CCDC178: variants seen among roughly 807,000 people sequenced by gnomAD.
CCDC178 encodes coiled-coil domain-containing protein 178.
CCDC178 carries 126 observed loss-of-function variants against 117.4 expected under a neutral mutation model. The observed-to-expected ratio is 1.07, with a 90% CI of 0.93 to 1.24. CCDC178 has a LOEUF of 1.24. Among genes scored for constraint, CCDC178 ranks in the 50% most tolerant of loss-of-function variants. The pLI is 0.00. For missense variants in CCDC178, 1,030 were observed against 986.9 expected (o/e 1.04, Z -0.59); for synonymous variants, 283 against 313.4 (o/e 0.90, Z 1.02).
chr18:33,077,260 C>A (rs961859535), intron 21 of CCDC178, among the ~76,000 whole-genome samples: 3 of 152,164 alleles, frequency 2.0e-5, no homozygotes, highest in African/African-American at 7.2e-5. Flanking sequence ...ACTGCTAGCT[C>A]TGGTTCCCAC....
At chr18:33,224,073 A>G (rs2144628223) in intron 17 of CCDC178, among the ~76,000 whole-genome samples, 1 of 152,340 alleles carries the variant, frequency 6.6e-6, no homozygotes, top group East Asian at 1.9e-4. Flanking sequence ...CACAATTTTA[A>G]GAAATAAAGA....
rs767980578 is a variant in CCDC178 at position 33,267,310 on chromosome 18, A to G, written c.1177-13T>C. The G allele has an allele frequency of 2.7e-5, 40 of 1,498,674 alleles. No individual in the cohort carries two copies. The highest frequency in any genetic ancestry group is 3.6e-5 in the Non-Finnish European group (39 of 1,093,750). 92.8% of individuals were successfully genotyped at this position (1,498,674 alleles called of 1,614,324 possible). ...TCAAATCTTCCAGCTAAGAAAGAAG[A>G]TATACAGAACAAAGTGAATTGTATA... On this transcript the variant is annotated splice_polypyrimidine_tract_variant and intron_variant, in intron 12 of 22. Transcript: ENST00000383096.
chr18:33,431,914 T>C (rs1427531383), intron 2 of CCDC178, among the ~76,000 whole-genome samples: 5 of 152,170 alleles, frequency 3.3e-5, no homozygotes, highest in Admixed American at 2.0e-4. Context: ...TGGGATATCC[T>C]GGAGAGGAAT....
chr18:33,170,751 C>T (rs964579064), intron 20 of CCDC178, among the ~76,000 whole-genome samples: 2 of 152,098 alleles, frequency 1.3e-5, no homozygotes, highest in Non-Finnish European at 2.9e-5. Flanking sequence ...AACCACTTAA[C>T]TAGCTCAAGT....
At chr18:32,968,341 T>C (rs1008377842) in intron 22 of CCDC178, among the ~76,000 whole-genome samples, 1 of 152,058 alleles carries the variant, frequency 6.6e-6, no homozygotes, top group African/African-American at 2.4e-5. Context: ...CCTTTTTTTA[T>C]GGCTGAATGG....
chr18:33,356,208 T>C, intron 7 of CCDC178, 116 bp downstream of exon 7: 1 of 1,067,938 alleles, frequency 9.4e-7, no homozygotes, highest in Non-Finnish European at 1.3e-6. Flanking sequence ...ATATCTATTG[T>C]GAAAAATCTT....
intron 5 of CCDC178, among the ~76,000 whole-genome samples, chr18:33,389,205 T>G (rs1482386727): frequency 6.6e-6 from 1 of 152,106 alleles, no homozygotes; most frequent in African/African-American, 2.4e-5. Context: ...AACATTTGTC[T>G]TCTTTCTTTT....
chr18:33,206,675 A>G (rs961916067), intron 20 of CCDC178, among the ~76,000 whole-genome samples: 5 of 152,198 alleles, frequency 3.3e-5, no homozygotes, highest in Non-Finnish European at 4.4e-5. Flanking sequence ...AACGGAAAAA[A>G]AAGAATATAT....
chr18:32,962,347 T>C (rs1228410456), intron 22 of CCDC178, among the ~76,000 whole-genome samples: 2 of 152,100 alleles, frequency 1.3e-5, no homozygotes, highest in Non-Finnish European at 2.9e-5. Context: ...CTCATAGCTA[T>C]TCTTCTTCCT....
At chr18:33,182,299 A>G (rs928627720) in intron 20 of CCDC178, among the ~76,000 whole-genome samples, 1 of 151,950 alleles carries the variant, frequency 6.6e-6, no homozygotes, top group Admixed American at 6.6e-5. Flanking sequence ...CTGAATAACA[A>G]GTAGAAAAAT....
intron 12 of CCDC178, among the ~76,000 whole-genome samples, chr18:33,274,942 A>G (rs2059930130): frequency 6.6e-6 from 1 of 152,092 alleles, no homozygotes; most frequent in East Asian, 1.9e-4. Context: ...GGCCTAAGTA[A>G]TAAGATCCAT....
intron 20 of CCDC178, among the ~76,000 whole-genome samples, chr18:33,117,582 AGC>A (rs1317174965): frequency 6.6e-6 from 1 of 151,654 alleles, no homozygotes; most frequent in Admixed American, 6.6e-5. Flanking sequence ...GGGTGGGGGG[AGC>A]GGGGAGAGGG....
Position 33,063,832 on chromosome 18 carries a change from G to A in CCDC178, c.2388+28929C>T, listed in dbSNP as rs545908674. Among the ~76,000 whole-genome samples, 20 of 152,312 alleles carry A rather than the reference G, an allele frequency of 1.3e-4. No homozygotes were observed. The South Asian group carries it at 3.9e-3, about 30-fold the overall frequency. ...CACCACCACTTGTGCCAGAGAACCA[G>A]CTTGCCTGGCATTCACATTTTCAGC... is the stretch of plus-strand genomic sequence containing the variant. On this transcript the variant is annotated intron_variant, in intron 21 of 22. Transcript: ENST00000383096.
At chr18:33,162,858 TG>T (rs1234665095) in intron 20 of CCDC178, among the ~76,000 whole-genome samples, 3 of 152,190 alleles carry the variant, frequency 2.0e-5, no homozygotes, top group Non-Finnish European at 4.4e-5. Context: ...GTTGATTGCA[TG>T]TTTTTTTCTA....
rs146542976 is a variant in CCDC178, at chr18:32,972,379, T to C, written c.2523+2168A>G. 3.5e-3 allele frequency among the ~76,000 whole-genome samples: 533 copies of C among 152,288 alleles called. 4 individuals carry two copies. Among genetic ancestry groups the C allele is most frequent in the African/African-American group, 0.012 (504 of 41,560 alleles). On this transcript the variant is annotated intron_variant, in intron 22 of 22. Coordinates refer to ENST00000383096, the MANE Select transcript of CCDC178 (RefSeq NM_001105528.4). ...CTCTGTTCTGTTCCACTGGTCTATT[T>C]ATCTGTTTTGGTACCAGTACCATGC...
At chr18:33,421,469 A>G (rs760034559) in intron 2 of CCDC178, among the ~76,000 whole-genome samples, 1 of 152,206 alleles carries the variant, frequency 6.6e-6, no homozygotes, top group Non-Finnish European at 1.5e-5. Context: ...TTTGCAAGCC[A>G]GTTGTGGTTT....
chr18:33,204,173 C>A (rs890977856), intron 20 of CCDC178, among the ~76,000 whole-genome samples: 1 of 151,960 alleles, frequency 6.6e-6, no homozygotes, highest in African/African-American at 2.4e-5. Flanking sequence ...TAGTGAAAGA[C>A]AAAAATAGAA....
At chr18:33,279,556 C>A (rs561344412) in intron 12 of CCDC178, among the ~76,000 whole-genome samples, 50 of 152,026 alleles carry the variant, frequency 3.3e-4, no homozygotes, top group Non-Finnish European at 7.1e-4. Context: ...CAATGCCATC[C>A]CCATCAAGCT....
At chr18:33,423,313 AAT>A (rs781659281) in intron 2 of CCDC178, among the ~76,000 whole-genome samples, 13 of 152,184 alleles carry the variant, frequency 8.5e-5, no homozygotes, top group Non-Finnish European at 1.6e-4. Flanking sequence ...CTCCAAACAA[AAT>A]ACTGTGTAGT....
Sources: gnomAD v4.1 joint callset for allele counts (sites outside exome capture counted in the v4.1 genomes callset) on GRCh38, gnomAD v4.1.1 for gene constraint, MANE v1.5 for transcripts, NCBI Gene and HGNC (gene_info 2026-07-23, HGNC 2026-07-21) for gene names.